Variants in NUP205 observed in about 807,000 individuals in gnomAD.
NUP205 encodes nucleoporin 205.
Under a neutral mutation model 253.8 loss-of-function variants are expected in NUP205, and 76 were observed. That is an observed-to-expected ratio of 0.30 (90% CI 0.25 to 0.36). The LOEUF (loss-of-function observed/expected upper bound fraction) is 0.36, where lower values mean the gene tolerates loss of function less well. Among genes scored for constraint, NUP205 ranks in the 10% least tolerant of loss-of-function variants. NUP205 has a pLI of 1.00. For synonymous variants in NUP205, 832 were observed against 850.1 expected, an observed-to-expected ratio of 0.98 and a Z score of 0.37; for missense variants, 2,162 against 2,425.5, an observed-to-expected ratio of 0.89 and a Z score of 2.28.
At chr7:135,607,427 T>C in intron 22 of NUP205, 56 bp downstream of exon 22, 1 of 1,585,970 alleles carries the variant, frequency 6.3e-7, no homozygotes. Context: ...ACCAGGTGCA[T>C]GAGTACGCCA....
intron 8 of NUP205, among the ~76,000 whole-genome samples, chr7:135,585,655 G>A (rs1806440586): frequency 6.6e-6 from 1 of 151,958 alleles, no homozygotes; most frequent in African/African-American, 2.4e-5. Context: ...CTGGGTAAGT[G>A]ATTCTCCTGC....
chr7:135,629,531 T>G (rs1192328727), intron 34 of NUP205, among the ~76,000 whole-genome samples: 2 of 92,348 alleles, frequency 2.2e-5, no homozygotes, highest in Non-Finnish European at 4.6e-5. Flanking sequence ...CTGTCTCTCT[T>G]TTTTTTTTTT....
In NUP205 at chr7:135,587,918, A is replaced by G; in HGVS notation, c.1399A>G (p.Thr467Ala). 1 of 1,614,050 alleles carries G rather than the reference A, an allele frequency of 6.2e-7. No homozygotes were observed. The highest frequency in any genetic ancestry group is 2.2e-5 in the East Asian group (1 of 44,880). ...LELALEYWCPTEPLQTPTIMG... is the reference protein window; with the variant it reads ...LELALEYWCPAEPLQTPTIMG... ...GCTTGCTCTAGAATATTGGTGTCCC[A>G]CAGAGCCTCTTCAGACTCCGACTAT... Residue 467 changes from threonine (T) to alanine (A), a missense_variant, in exon 10 of 43, where the codon ACA becomes GCA. By Grantham distance (58) the Thr-to-Ala change is moderately conservative. Transcript: ENST00000285968.
Position 135,567,150 on chromosome 7 carries a change from A to G in NUP205, c.29-3955A>G, listed in dbSNP as rs1398018427. 2.7e-4 allele frequency among the ~76,000 whole-genome samples: 23 copies of G among 84,692 alleles called. 2 individuals carry two copies. The highest frequency in any genetic ancestry group is 8.4e-4 in the African/African-American group (18 of 21,310). The allele number at this position is 84,692 out of a possible 152,430, so 55.6% of individuals were successfully genotyped here. The stretch of plus-strand genomic sequence containing the variant: ...TGTGTATATATATATATATATATAT[A>G]TATATATATATATATATATATATAT... On this transcript the variant is annotated intron_variant, in intron 1 of 42. Transcript: ENST00000285968.
intron 1 of NUP205, among the ~76,000 whole-genome samples, chr7:135,559,480 C>T (rs1298799811): frequency 1.3e-5 from 2 of 152,102 alleles, no homozygotes; most frequent in South Asian, 2.1e-4. Flanking sequence ...AAGCAATTCT[C>T]CTGCCTCAGC....
chr7:135,599,158 A>C (rs536455417), intron 15 of NUP205, among the ~76,000 whole-genome samples: 1 of 152,136 alleles, frequency 6.6e-6, no homozygotes, highest in Non-Finnish European at 1.5e-5. Context: ...AATTGAGATA[A>C]TTAGTTATAT....
At chr7:135,622,510 T>C (rs1794494956) in intron 30 of NUP205, among the ~76,000 whole-genome samples, 3 of 152,028 alleles carry the variant, frequency 2.0e-5, no homozygotes, top group Admixed American at 2.0e-4. Context: ...TTCATTTTGA[T>C]CTCTTTCAGA....
At chr7:135,602,399 G>T (rs1296046772) in intron 17 of NUP205, among the ~76,000 whole-genome samples, 1 of 152,208 alleles carries the variant, frequency 6.6e-6, no homozygotes, top group Non-Finnish European at 1.5e-5. Flanking sequence ...GATGTCCTGT[G>T]TATTGTAAGC....
intron 22 of NUP205, among the ~76,000 whole-genome samples, chr7:135,609,403 G>A (rs796958520): frequency 8.6e-5 from 13 of 151,974 alleles, no homozygotes; most frequent in East Asian, 5.8e-4. Context: ...GCGTGAACCC[G>A]GGAGGTGGAG....
At chr7:135,646,951 G>A (rs1237317940) in intron 42 of NUP205, among the ~76,000 whole-genome samples, 1 of 152,092 alleles carries the variant, frequency 6.6e-6, no homozygotes. Flanking sequence ...AACTTTTTAG[G>A]TACAAAGTAT....
intron 36 of NUP205, among the ~76,000 whole-genome samples, chr7:135,637,630 C>A (rs1336556353): frequency 1.3e-5 from 2 of 151,936 alleles, no homozygotes. Flanking sequence ...GAGTATCTTC[C>A]AAAGAATTAA....
At chr7:135,599,692 G>C (rs1438726665) in intron 15 of NUP205, among the ~76,000 whole-genome samples, 1 of 152,162 alleles carries the variant, frequency 6.6e-6, no homozygotes, top group African/African-American at 2.4e-5. Flanking sequence ...CCCATGCAGA[G>C]CCACACTTCA....
chr7:135,626,274 G>T lies in NUP205; in HGVS notation c.4706G>T (p.Gly1569Val). The stretch of plus-strand genomic sequence containing the variant: ...ACAAGAGTGGCAAAGATACAGCAGG[G>T]TGCATTAGAGCTGCTAAGATCAGGG... Reference protein sequence around the residue: ...FLTRVAKIQQGALELLRSGVI... With the variant: ...FLTRVAKIQQVALELLRSGVI... The change falls in exon 33 of 43, where the codon GGT becomes GTT. Residue 1569 changes from glycine (G) to valine (V), a missense_variant. Gly to Val is a moderately radical substitution (Grantham distance 109). Transcript: ENST00000285968. 2 of 1,614,004 alleles carry T rather than the reference G, an allele frequency of 1.2e-6. No individual in the cohort carries two copies. The highest frequency in any genetic ancestry group is 1.7e-6 in the Non-Finnish European group (2 of 1,179,918).
chr7:135,634,646 G>A (rs1417229041), intron 35 of NUP205, among the ~76,000 whole-genome samples: 1 of 152,150 alleles, frequency 6.6e-6, no homozygotes, highest in African/African-American at 2.4e-5. Flanking sequence ...CTGTGGCAGG[G>A]TAGATGTTAG....
chr7:135,620,793 T>C (rs1198373311), intron 30 of NUP205, among the ~76,000 whole-genome samples: 1 of 152,250 alleles, frequency 6.6e-6, no homozygotes, highest in African/African-American at 2.4e-5. Flanking sequence ...TGTATCTTTT[T>C]GTACTAGTGA....
At position 135,645,010 on chromosome 7, in the gene NUP205, T is replaced by C; in HGVS notation, c.5675T>C (p.Leu1892Pro). 1 of 1,614,084 alleles carries C rather than the reference T, an allele frequency of 6.2e-7. No individual in the cohort carries two copies. Among genetic ancestry groups the C allele is most frequent in the Non-Finnish European group, 8.5e-7 (1 of 1,179,978 alleles). Residue 1892 changes from leucine (L) to proline (P), a missense_variant, in exon 40 of 43, where the codon CTT (leucine) becomes CCT (proline). Transcript: ENST00000285968. ...VINNRAKLLSLCSFIIETCLF... is the reference protein window; with the variant it reads ...VINNRAKLLSPCSFIIETCLF... ...AACAATCGAGCTAAACTGCTTTCCC[T>C]TTGTTCTTGTATCCTTTATGAAATC...
At position 135,622,769 on chromosome 7, in the gene NUP205, C is replaced by T. The variant is rs73158992; in HGVS notation, c.4331-8C>T. On this transcript the variant is annotated splice_region_variant and splice_polypyrimidine_tract_variant and intron_variant, in intron 30 of 42. Coordinates refer to ENST00000285968, the MANE Select transcript of NUP205 (RefSeq NM_015135.3). ...CTGGAGTGTTTTTTTCTGTTTTAAT[C>T]CTTTTAGCCAAGAAAACCATGTGGG... 8 of 1,607,816 alleles carry T rather than the reference C, an allele frequency of 5.0e-6. No homozygotes were observed. Among genetic ancestry groups the T allele is most frequent in the Non-Finnish European group, 6.8e-6 (8 of 1,177,326 alleles).
intron 32 of NUP205, 45 bp downstream of exon 32, chr7:135,625,400 C>T (rs1320783763): frequency 1.4e-6 from 2 of 1,426,806 alleles, no homozygotes; most frequent in East Asian, 2.4e-5. Context: ...AAGTCGTTTT[C>T]TCTTGGCTAT....
chr7:135,560,271 C>T (rs1465532116), intron 1 of NUP205, among the ~76,000 whole-genome samples: 1 of 152,224 alleles, frequency 6.6e-6, no homozygotes, highest in Non-Finnish European at 1.5e-5. Context: ...GCTGGGATTA[C>T]AGGCGTGAGC....
Sources: allele counts gnomAD v4.1 joint callset (sites outside exome capture counted in the v4.1 genomes callset), GRCh38; gene constraint gnomAD v4.1.1; transcripts MANE v1.5; gene names NCBI Gene and HGNC (gene_info 2026-07-23, HGNC 2026-07-21).